PRKCI: variants seen among roughly 807,000 people sequenced by gnomAD.
PRKCI encodes protein kinase C iota type.
PRKCI carries 43 observed loss-of-function variants against 84.0 expected under a neutral mutation model. The observed-to-expected ratio is 0.51, with a 90% confidence interval of 0.40 to 0.66. The LOEUF is 0.66. Among genes scored for constraint, PRKCI ranks in the 30% least tolerant of loss-of-function variants. The probability of loss-of-function intolerance (pLI) is 0.00; values close to 1 mark genes in which losing one functional copy is unlikely to be tolerated. For synonymous variants in PRKCI, 216 were observed against 234.4 expected (o/e 0.92, Z 0.72); for missense variants, 459 against 745.6 (o/e 0.62, Z 4.48).
chr3:170,227,464 C>CGTTG (rs1358420530), intron 1 of PRKCI, among the ~76,000 whole-genome samples: 1 of 152,106 alleles, frequency 6.6e-6, no homozygotes, highest in Non-Finnish European at 1.5e-5. Flanking sequence ...CAGGAATAGA[C>CGTTG]GTTGGGGAGG....
intron 1 of PRKCI, among the ~76,000 whole-genome samples, chr3:170,233,949 G>T (rs925987807): frequency 2.6e-5 from 4 of 151,236 alleles, no homozygotes; most frequent in African/African-American, 9.7e-5. Flanking sequence ...TCGAACTCCT[G>T]ACCTCTAGTG....
At chr3:170,230,862 A>G (rs1005893001) in intron 1 of PRKCI, among the ~76,000 whole-genome samples, 1 of 150,548 alleles carries the variant, frequency 6.6e-6, no homozygotes, top group African/African-American at 2.4e-5. Context: ...GGAGAGATCT[A>G]TTTTTGCACA....
intron 2 of PRKCI, among the ~76,000 whole-genome samples, chr3:170,247,872 T>C (rs1185149696): frequency 2.0e-5 from 3 of 151,892 alleles, no homozygotes; most frequent in African/African-American, 7.3e-5. Flanking sequence ...TTATTGGGCC[T>C]GATAGTGAAA....
chr3:170,253,809 A>C (rs755543192), intron 2 of PRKCI, among the ~76,000 whole-genome samples: 1 of 149,580 alleles, frequency 6.7e-6, no homozygotes, highest in Middle Eastern at 3.7e-3. Context: ...AAAAATGTCT[A>C]TTCAGGGCTA....
At chr3:170,293,698 G>A (rs754794230) in intron 14 of PRKCI, among the ~76,000 whole-genome samples, 190 bp downstream of exon 14, 1 of 152,080 alleles carries the variant, frequency 6.6e-6, no homozygotes, top group Non-Finnish European at 1.5e-5. Flanking sequence ...TTTTGCCCAG[G>A]CTGGAGTGCA....
At chr3:170,244,916 A>G (rs1019616384) in intron 2 of PRKCI, 3 of 152,204 alleles carry the variant, frequency 2.0e-5, no homozygotes, top group African/African-American at 7.2e-5. Flanking sequence ...GTTATAGGAG[A>G]AGGGAGAAGA....
intron 1 of PRKCI, among the ~76,000 whole-genome samples, chr3:170,230,393 C>T (rs1337325812): frequency 6.6e-6 from 1 of 151,800 alleles, no homozygotes; most frequent in Non-Finnish European, 1.5e-5. Flanking sequence ...TGCAGTGGCA[C>T]GATCCTGGCT....
Position 170,291,976 on chromosome 3 carries a change from T to C in PRKCI, c.1291+35T>C, listed in dbSNP as rs113783786. 4.2e-5 allele frequency: 60 copies of C among 1,439,278 alleles called. 1 individual carries two copies. The highest frequency in any genetic ancestry group is 3.9e-4 in the African/African-American group (28 of 71,346). 89.2% of individuals were successfully genotyped at this position (1,439,278 alleles called of 1,614,324 possible). On this transcript the variant is annotated intron_variant, in intron 13 of 17. Coordinates refer to ENST00000295797, the MANE Select transcript of PRKCI (RefSeq NM_002740.6). ...AAATTGGTGGTATTATTTTAGCTATTGCTAGATGGGTGGTAAAATGTGGTA... is the reference window on the plus strand; with the variant it reads ...AAATTGGTGGTATTATTTTAGCTATCGCTAGATGGGTGGTAAAATGTGGTA...
intron 2 of PRKCI, among the ~76,000 whole-genome samples, chr3:170,252,291 G>A (rs954304031): frequency 6.7e-6 from 1 of 150,028 alleles, no homozygotes; most frequent in African/African-American, 2.4e-5. Flanking sequence ...TTGGAGGACA[G>A]TTGGAAATAC....
chr3:170,252,241 A>G (rs1296039565), intron 2 of PRKCI, among the ~76,000 whole-genome samples: 6 of 152,024 alleles, frequency 3.9e-5, no homozygotes, highest in Non-Finnish European at 8.8e-5. Context: ...ATTAGGAAAG[A>G]TACCCTGTTG....
chr3:170,265,470 T>C (rs1733836045), intron 4 of PRKCI, among the ~76,000 whole-genome samples: 1 of 152,252 alleles, frequency 6.6e-6, no homozygotes, highest in Admixed American at 6.5e-5. Flanking sequence ...TTGTAAGTTA[T>C]TGCTTTTGGT....
Position 170,222,604 on chromosome 3 carries a change from C to T in PRKCI, c.-66C>T. ...TCCGGCAAGCGCAGGCGGCGGAGTC[C>T]CCCACGGCGCCCGAAGCGCCCCCCC... On this transcript the variant is annotated 5_prime_UTR_variant, in exon 1 of 18. Coordinates refer to ENST00000295797, the MANE Select transcript of PRKCI (RefSeq NM_002740.6). 3.6e-6 allele frequency: 5 copies of T among 1,383,924 alleles called. No individual in the cohort carries two copies. Among genetic ancestry groups the T allele is most frequent in the South Asian group, 1.4e-5 (1 of 73,520 alleles). The allele number at this position is 1,383,924 out of a possible 1,614,324, so 85.7% of individuals were successfully genotyped here. A position where few individuals can be genotyped will look rare whatever the true frequency, so the allele number is the denominator to read the frequency against.
Position 170,303,019 on chromosome 3 carries a change from AATTT to A in PRKCI, c.1704-16_1704-13del, listed in dbSNP as rs1241743889. 2.0e-6 allele frequency: 3 copies of A among 1,535,720 alleles called. No individual in the cohort carries two copies. Among genetic ancestry groups the A allele is most frequent in the South Asian group, 2.3e-5 (2 of 85,518 alleles). On this transcript the variant is annotated splice_polypyrimidine_tract_variant and intron_variant, in intron 17 of 17. Transcript: ENST00000295797. ...AGAAATCTTGATTATGATGAAAATA[AATTT>A]ATTTTTCTTTCAACAGTGACATTGT...
chr3:170,294,098 C>T (rs1734637595), intron 14 of PRKCI, among the ~76,000 whole-genome samples: 1 of 152,086 alleles, frequency 6.6e-6, no homozygotes, highest in Non-Finnish European at 1.5e-5. Flanking sequence ...TAGAATTATC[C>T]ATCACAAACA....
At chr3:170,253,337 C>T (rs1045924847) in intron 2 of PRKCI, among the ~76,000 whole-genome samples, 3 of 152,174 alleles carry the variant, frequency 2.0e-5, no homozygotes, top group African/African-American at 7.2e-5. Flanking sequence ...TTCTGCATAT[C>T]CTTTCCAGCA....
intron 12 of PRKCI, 54 bp from the exon 13 acceptor site, chr3:170,291,800 A>G (rs1276491252): frequency 7.0e-7 from 1 of 1,420,502 alleles, no homozygotes; most frequent in Non-Finnish European, 9.9e-7. Context: ...GAAAGGGTGA[A>G]TTTAAAACAG....
At chr3:170,227,261 G>C (rs543514500) in intron 1 of PRKCI, among the ~76,000 whole-genome samples, 1 of 152,224 alleles carries the variant, frequency 6.6e-6, no homozygotes, top group South Asian at 2.1e-4. Flanking sequence ...AATATAACCA[G>C]AGATCATTCA....
chr3:170,249,478 C>G (rs960581155), intron 2 of PRKCI, among the ~76,000 whole-genome samples: 5 of 152,144 alleles, frequency 3.3e-5, no homozygotes, highest in African/African-American at 9.7e-5. Flanking sequence ...ACTCAGTTTT[C>G]TCACCTGGAA....
intron 5 of PRKCI, among the ~76,000 whole-genome samples, chr3:170,268,710 T>C (rs905516737): frequency 6.6e-6 from 1 of 152,154 alleles, no homozygotes; most frequent in African/African-American, 2.4e-5. Context: ...TACCAGGCAC[T>C]TTTCCAAATG....
Sources: gnomAD v4.1 joint callset for allele counts (sites outside exome capture counted in the v4.1 genomes callset) on GRCh38, gnomAD v4.1.1 for gene constraint, MANE v1.5 for transcripts, NCBI Gene and HGNC (gene_info 2026-07-23, HGNC 2026-07-21) for gene names.